ARHGAP10: variants seen among roughly 807,000 people sequenced by gnomAD.
The protein encoded by ARHGAP10 is Rho GTPase activating protein 10.
ARHGAP10 carries 87 observed loss-of-function variants against 108.6 expected under a neutral mutation model. The ratio of observed to expected loss-of-function variants is 0.80; its 90% CI spans 0.67 to 0.96. The LOEUF (loss-of-function observed/expected upper bound fraction) is 0.96, where lower values mean the gene tolerates loss of function less well. ARHGAP10 is among the 40% of genes least tolerant of loss of function. ARHGAP10 has a pLI of 0.00. For synonymous variants in ARHGAP10, 347 were observed against 341.1 expected, an observed-to-expected ratio of 1.02 and a Z score of -0.19; for missense variants, 939 against 954.5, an observed-to-expected ratio of 0.98 and a Z score of 0.21.
At chr4:147,869,683 AT>A (rs1325276903) in intron 7 of ARHGAP10, among the ~76,000 whole-genome samples, 1 of 151,604 alleles carries the variant, frequency 6.6e-6, no homozygotes, top group Admixed American at 6.6e-5. Flanking sequence ...TCCTCTCTTG[AT>A]TTTATTTGGC....
rs57931206 is a variant in ARHGAP10 at position 148,043,614 on chromosome 4, AATATATATATATATATATAT to A, written c.1868-3259_1868-3240del. On this transcript the variant is annotated intron_variant, in intron 19 of 22. Coordinates refer to ENST00000336498, the MANE Select transcript of ARHGAP10 (RefSeq NM_024605.4). ...GACAACATAGGGAGACCCTCTCTCT[AATATATATATATATATATAT>A]ATATATATATATATATATTTTAGGT... is the stretch of plus-strand genomic sequence containing the variant. 1.2e-3 allele frequency among the ~76,000 whole-genome samples: 65 copies of A among 54,998 alleles called. 3 individuals carry two copies. Among genetic ancestry groups the A allele is most frequent in the Non-Finnish European group, 1.5e-3 (37 of 25,056 alleles). 36.1% of individuals were successfully genotyped at this position (54,998 alleles called of 152,430 possible).
chr4:148,010,972 T>A (rs1741149907), intron 18 of ARHGAP10, among the ~76,000 whole-genome samples: 1 of 152,262 alleles, frequency 6.6e-6, no homozygotes, highest in Non-Finnish European at 1.5e-5. Context: ...CTTAGAATAG[T>A]TTCTCAGACT....
At chr4:147,754,955 G>A (rs185099952) in intron 1 of ARHGAP10, among the ~76,000 whole-genome samples, 11 of 151,938 alleles carry the variant, frequency 7.2e-5, no homozygotes, top group Admixed American at 5.3e-4. Flanking sequence ...ATTAGCGGAC[G>A]CCTATAGTCC....
chr4:147,989,613 G>C (rs1740188719), intron 18 of ARHGAP10, among the ~76,000 whole-genome samples: 1 of 152,196 alleles, frequency 6.6e-6, no homozygotes, highest in African/African-American at 2.4e-5. Flanking sequence ...TGAAAGAAGA[G>C]AAATATGGCT....
intron 18 of ARHGAP10, among the ~76,000 whole-genome samples, chr4:147,979,321 CT>C (rs1232525932): frequency 6.6e-6 from 1 of 151,998 alleles, no homozygotes; most frequent in African/African-American, 2.4e-5. Context: ...TCCTTTCCCC[CT>C]TGTTTTTTGT....
At position 147,854,371 on chromosome 4, in the gene ARHGAP10, T is replaced by A. The variant is rs572920923; in HGVS notation, c.385-3182T>A. Among the ~76,000 whole-genome samples, 78 of 152,336 alleles carry A rather than the reference T, an allele frequency of 5.1e-4. No homozygotes were observed. The South Asian group carries it at 0.01, about 20-fold the overall frequency. ...GTTCTGGCGCTGAGTAATGGCTGCC[T>A]TCTTCTCTGGAGTAGACGAGGACTA... is the stretch of plus-strand genomic sequence containing the variant. On this transcript the variant is annotated intron_variant, in intron 4 of 22. Coordinates refer to ENST00000336498, the MANE Select transcript of ARHGAP10 (RefSeq NM_024605.4).
chr4:148,068,120 C>G (rs897560664), intron 22 of ARHGAP10, among the ~76,000 whole-genome samples: 3 of 152,172 alleles, frequency 2.0e-5, no homozygotes, highest in Admixed American at 1.3e-4. Context: ...GACCACCAGC[C>G]AGTCCTGCTG....
At chr4:147,790,673 A>G (rs1278081289) in intron 1 of ARHGAP10, among the ~76,000 whole-genome samples, 2 of 152,206 alleles carry the variant, frequency 1.3e-5, no homozygotes, top group African/African-American at 4.8e-5. Context: ...AGTAGCCCAC[A>G]TTTGGTGGCC....
intron 1 of ARHGAP10, among the ~76,000 whole-genome samples, chr4:147,733,551 G>A (rs1358069313): frequency 6.6e-6 from 1 of 152,048 alleles, no homozygotes; most frequent in Non-Finnish European, 1.5e-5. Context: ...TTAGGTATTC[G>A]TCCCTTGTAC....
chr4:147,746,091 A>G (rs1728905090), intron 1 of ARHGAP10, among the ~76,000 whole-genome samples: 2 of 144,824 alleles, frequency 1.4e-5, no homozygotes, highest in East Asian at 2.1e-4. Flanking sequence ...CCCTGCCACA[A>G]AGTGCTTCTT....
At chr4:147,732,494 C>T in intron 1 of ARHGAP10, 39 bp downstream of exon 1, 2 of 1,603,142 alleles carry the variant, frequency 1.2e-6, no homozygotes, top group Non-Finnish European at 8.5e-7. Flanking sequence ...TGCGGCGTGG[C>T]GAGGCGGCTG....
chr4:147,741,767 TACACACACACACACACACACACACGCAC>T lies in ARHGAP10; in HGVS notation c.154+9337_154+9364del, dbSNP rs1220856332. On this transcript the variant is annotated intron_variant, in intron 1 of 22. Coordinates refer to ENST00000336498, the MANE Select transcript of ARHGAP10 (RefSeq NM_024605.4). Reference sequence around the variant, plus strand: ...GCAGGCATCTTGATATCGTTCTCTTTACACACACACACACACACACACACGCACACACACACACACACACACACACACA... The same window carrying T: ...GCAGGCATCTTGATATCGTTCTCTTTACACACACACACACACACACACACA... Among the ~76,000 whole-genome samples the T allele has an allele frequency of 3.1e-3, 423 of 134,676 alleles. 7 individuals are homozygous for T. Among genetic ancestry groups the T allele is most frequent in the African/African-American group, 1.0e-2 (361 of 36,114 alleles). 88.4% of individuals were successfully genotyped at this position (134,676 alleles called of 152,430 possible).
intron 3 of ARHGAP10, among the ~76,000 whole-genome samples, chr4:147,835,980 T>C (rs1733155447): frequency 6.6e-6 from 1 of 152,376 alleles, no homozygotes; most frequent in Non-Finnish European, 1.5e-5. Flanking sequence ...TTAGGCAGAC[T>C]CATTCCTTAA....
At chr4:147,733,913 G>C (rs10025959) in intron 1 of ARHGAP10, among the ~76,000 whole-genome samples, 3 of 152,076 alleles carry the variant, frequency 2.0e-5, no homozygotes, top group Non-Finnish European at 4.4e-5. Flanking sequence ...GCTTGAATCA[G>C]AAATGGGACT....
intron 4 of ARHGAP10, among the ~76,000 whole-genome samples, chr4:147,857,197 T>A (rs1734127094): frequency 6.6e-6 from 1 of 152,248 alleles, no homozygotes; most frequent in Non-Finnish European, 1.5e-5. Flanking sequence ...CTGGAGCAAG[T>A]TTGCTTTTTT....
At chr4:147,953,723 C>G (rs1738692730) in intron 15 of ARHGAP10, among the ~76,000 whole-genome samples, 1 of 151,634 alleles carries the variant, frequency 6.6e-6, no homozygotes, top group African/African-American at 2.4e-5. Context: ...AATTTATTTT[C>G]TTTATTTTTC....
chr4:148,037,189 C>A (rs578160419), intron 19 of ARHGAP10, among the ~76,000 whole-genome samples: 4 of 152,232 alleles, frequency 2.6e-5, no homozygotes, highest in African/African-American at 9.6e-5. Flanking sequence ...GCCTTTGGGG[C>A]AGTAAGAAAT....
In ARHGAP10 at chr4:148,063,218, T is replaced by G; in HGVS notation, c.2098T>G (p.Ser700Ala). Residue 700 changes from serine to alanine, a missense_variant, in exon 21 of 23, where the codon TCA becomes GCA. Coordinates refer to ENST00000336498, the MANE Select transcript of ARHGAP10 (RefSeq NM_024605.4). Reference sequence around the variant, plus strand: ...GTCTCCAACCACAACAAGCTCCAACTCAGCTGTGACACCTCTTTCACCCGG... The same window carrying G: ...GTCTCCAACCACAACAAGCTCCAACGCAGCTGTGACACCTCTTTCACCCGG... ...PQSPTTTSSNSAVTPLSPGSS... is the reference protein window; with the variant it reads ...PQSPTTTSSNAAVTPLSPGSS... 2 of 1,614,150 alleles carry G rather than the reference T, an allele frequency of 1.2e-6. No homozygotes were observed. Among genetic ancestry groups the G allele is most frequent in the Admixed American group, 1.7e-5 (1 of 60,018 alleles).
At chr4:147,933,933 C>T (rs543995712) in intron 13 of ARHGAP10, among the ~76,000 whole-genome samples, 1 of 152,116 alleles carries the variant, frequency 6.6e-6, no homozygotes, top group East Asian at 1.9e-4. Context: ...GAGCCTGGGT[C>T]CCCTTAGGAT....
Sources: allele counts gnomAD v4.1 joint callset (sites outside exome capture counted in the v4.1 genomes callset), GRCh38; gene constraint gnomAD v4.1.1; transcripts MANE v1.5; gene names NCBI Gene and HGNC (gene_info 2026-07-23, HGNC 2026-07-21).